The following TBC1D22A variants were observed in gnomAD, a reference collection of about 807,000 sequenced individuals.
The protein encoded by TBC1D22A is putative GTPase activator.
In TBC1D22A, 38 loss-of-function variants were observed where a neutral mutation model predicts 60.2. The observed-to-expected ratio is 0.63, with a 90% confidence interval of 0.49 to 0.83. TBC1D22A has a LOEUF of 0.83. TBC1D22A is among the 40% of genes least tolerant of loss of function. The pLI, the probability that TBC1D22A is intolerant of heterozygous loss-of-function variation, is 0.00. For synonymous variants in TBC1D22A, 302 were observed against 281.7 expected (o/e 1.07, Z -0.72); for missense variants, 628 against 701.0 (o/e 0.90, Z 1.18).
chr22:46,856,031 G>A (rs1357627869), intron 4 of TBC1D22A, among the ~76,000 whole-genome samples: 2 of 152,234 alleles, frequency 1.3e-5, no homozygotes, highest in Non-Finnish European at 2.9e-5. Flanking sequence ...AAAGTGGACA[G>A]AGGGAGTCCC....
chr22:46,943,384 C>G (rs1271133562), intron 8 of TBC1D22A, among the ~76,000 whole-genome samples: 2 of 152,202 alleles, frequency 1.3e-5, no homozygotes, highest in African/African-American at 2.4e-5. Context: ...TTTGTAAGAA[C>G]AGAATTTAAA....
At chr22:47,060,553 CCCGAGTAGCTGGGATTA>C (rs1180651669) in intron 11 of TBC1D22A, among the ~76,000 whole-genome samples, 3 of 152,188 alleles carry the variant, frequency 2.0e-5, no homozygotes, top group African/African-American at 7.2e-5. Flanking sequence ...ACCTCAGCCT[CCCGAGTAGCTGGGATTA>C]CAGATGCCTG....
chr22:47,170,804 GCAGGACCGGAGAGAGGGCAGTCC>G lies in TBC1D22A; in HGVS notation c.1426-2693_1426-2671del, dbSNP rs1171966433. Among the ~76,000 whole-genome samples the G allele has an allele frequency of 3.2e-3, 360 of 111,516 alleles. 5 individuals are homozygous for G. The highest frequency in any genetic ancestry group is 4.6e-3 in the East Asian group (14 of 3,056). 73.2% of individuals were successfully genotyped at this position (111,516 alleles called of 152,430 possible). A position where few individuals can be genotyped will look rare whatever the true frequency, so the allele number is the denominator to read the frequency against. On this transcript the variant is annotated intron_variant, in intron 12 of 12. Transcript: ENST00000337137. ...AGTCCTGGTGTGTAACCCTCCTGAT[GCAGGACCGGAGAGAGGGCAGTCC>G]TGGTGTGTAACCCTCCTGATGCAGG...
chr22:46,820,671 A>C (rs562550250), intron 4 of TBC1D22A, among the ~76,000 whole-genome samples: 1 of 152,366 alleles, frequency 6.6e-6, no homozygotes, highest in Admixed American at 6.5e-5. Flanking sequence ...TTTTAGAATA[A>C]GCGCCATGTG....
At chr22:46,942,237 T>A (rs1054843002) in intron 8 of TBC1D22A, among the ~76,000 whole-genome samples, 3 of 151,624 alleles carry the variant, frequency 2.0e-5, no homozygotes, top group African/African-American at 7.3e-5. Flanking sequence ...CCAGCTTTGG[T>A]TTTTTTTGTT....
chr22:46,843,195 C>T (rs1242867064), intron 4 of TBC1D22A, among the ~76,000 whole-genome samples: 3 of 152,214 alleles, frequency 2.0e-5, no homozygotes, highest in East Asian at 3.8e-4. Context: ...TCAGGGTCCT[C>T]ATCTGTCAAG....
At chr22:46,983,956 C>T (rs1346793192) in intron 9 of TBC1D22A, among the ~76,000 whole-genome samples, 5 of 152,092 alleles carry the variant, frequency 3.3e-5, no homozygotes, top group South Asian at 2.1e-4. Flanking sequence ...ATGTTGGCTT[C>T]GGGGCCTGAA....
At chr22:47,017,030 C>T (rs903529561) in intron 10 of TBC1D22A, among the ~76,000 whole-genome samples, 2 of 152,240 alleles carry the variant, frequency 1.3e-5, no homozygotes, top group Non-Finnish European at 2.9e-5. Flanking sequence ...AGTTTTCCTC[C>T]ATTTGTTAGT....
chr22:46,998,933 C>T (rs1253537427), intron 10 of TBC1D22A, among the ~76,000 whole-genome samples: 1 of 152,244 alleles, frequency 6.6e-6, no homozygotes, highest in Non-Finnish European at 1.5e-5. Flanking sequence ...GTTCTTTTCC[C>T]TGCCAGCACT....
At chr22:46,824,227 C>T (rs187131707) in intron 4 of TBC1D22A, among the ~76,000 whole-genome samples, 4 of 152,186 alleles carry the variant, frequency 2.6e-5, no homozygotes, top group Non-Finnish European at 4.4e-5. Context: ...CTGTAGCTTC[C>T]GTGGCTCGAG....
chr22:46,870,166 T>C (rs6009011), intron 4 of TBC1D22A, among the ~76,000 whole-genome samples: 9,502 of 152,280 alleles, frequency 0.062, 953 homozygotes, highest in African/African-American at 0.22. Context: ...TCCTGTGTTT[T>C]AGGGGAGGAA....
At chr22:46,903,607 A>C (rs2069170648) in intron 7 of TBC1D22A, among the ~76,000 whole-genome samples, 1 of 152,132 alleles carries the variant, frequency 6.6e-6, no homozygotes, top group South Asian at 2.1e-4. Context: ...GTCCAGGGGC[A>C]TGGGGAGTCT....
intron 11 of TBC1D22A, among the ~76,000 whole-genome samples, chr22:47,076,361 G>GTGTATATATATATATATA (rs1392245000): frequency 1.5e-4 from 15 of 101,852 alleles, no homozygotes; most frequent in East Asian, 9.3e-4. Flanking sequence ...ATATGTGTGT[G>GTGTATATATATATATATA]TATATATATA....
intron 12 of TBC1D22A, among the ~76,000 whole-genome samples, chr22:47,112,573 C>G (rs538605526): frequency 1.3e-5 from 2 of 152,182 alleles, no homozygotes; most frequent in Admixed American, 6.5e-5. Context: ...CCTGCCGCCC[C>G]GCTTCATCTC....
chr22:46,908,920 C>T (rs1433608098), intron 7 of TBC1D22A, among the ~76,000 whole-genome samples: 3 of 152,150 alleles, frequency 2.0e-5, no homozygotes, highest in Non-Finnish European at 4.4e-5. Context: ...ATCTCAGGTA[C>T]AGTTCAGAGA....
chr22:46,980,118 T>A (rs560574393), intron 9 of TBC1D22A, among the ~76,000 whole-genome samples: 2 of 152,306 alleles, frequency 1.3e-5, no homozygotes, highest in African/African-American at 2.4e-5. Flanking sequence ...AATGTGTAAC[T>A]TTAAAATATT....
chr22:46,941,208 TACACACAC>T (rs71315174), intron 8 of TBC1D22A, among the ~76,000 whole-genome samples: 3 of 84,886 alleles, frequency 3.5e-5, no homozygotes, highest in East Asian at 6.6e-4. Flanking sequence ...TATATATGTA[TACACACAC>T]ACACACACAC....
At chr22:47,115,997 G>C (rs1035096310) in intron 12 of TBC1D22A, 1 of 152,262 alleles carries the variant, frequency 6.6e-6, no homozygotes, top group African/African-American at 2.4e-5. Context: ...TACCCCCCAA[G>C]TCTAAACCTC....
chr22:47,073,699 T>C (rs2064095299), intron 11 of TBC1D22A, among the ~76,000 whole-genome samples: 1 of 152,018 alleles, frequency 6.6e-6, no homozygotes, highest in Non-Finnish European at 1.5e-5. Context: ...GAAAACAGAT[T>C]TAAAAATCGC....
Sources: allele counts gnomAD v4.1 joint callset (sites outside exome capture counted in the v4.1 genomes callset), GRCh38; gene constraint gnomAD v4.1.1; transcripts MANE v1.5; gene names NCBI Gene and HGNC (gene_info 2026-07-23, HGNC 2026-07-21).